SNTG1: variants seen among roughly 807,000 people sequenced by gnomAD.
SNTG1 encodes the protein gamma-1-syntrophin.
SNTG1 carries 39 observed loss-of-function variants against 74.7 expected under a neutral mutation model. That is an observed-to-expected ratio of 0.52 (90% CI 0.40 to 0.68). SNTG1 has a LOEUF of 0.68. Among genes scored for constraint, SNTG1 ranks in the 30% least tolerant of loss-of-function variants. The pLI, the probability that SNTG1 is intolerant of heterozygous loss-of-function variation, is 0.00. For missense variants in SNTG1, 685 were observed against 609.5 expected, an observed-to-expected ratio of 1.12 and a Z score of -1.30; for synonymous variants, 254 against 217.1, an observed-to-expected ratio of 1.17 and a Z score of -1.49.
At chr8:50,654,305 C>CT (rs2095167301) in intron 13 of SNTG1, among the ~76,000 whole-genome samples, 1 of 151,952 alleles carries the variant, frequency 6.6e-6, no homozygotes, top group Non-Finnish European at 1.5e-5. Context: ...CATTCTAGAC[C>CT]TTTTTTACTG....
intron 2 of SNTG1, among the ~76,000 whole-genome samples, chr8:50,333,508 GT>G (rs1269450029): frequency 6.6e-6 from 1 of 152,098 alleles, no homozygotes; most frequent in African/African-American, 2.4e-5. Context: ...TTCTCCTAGT[GT>G]TTCAAAGCTA....
intron 18 of SNTG1, among the ~76,000 whole-genome samples, chr8:50,772,766 G>A (rs1047301172): frequency 2.6e-5 from 4 of 152,064 alleles, no homozygotes; most frequent in East Asian, 3.9e-4. Flanking sequence ...GGTCATGGGG[G>A]TAGATTCCCC....
At chr8:50,698,242 A>G (rs1324623692) in intron 15 of SNTG1, among the ~76,000 whole-genome samples, 1 of 152,194 alleles carries the variant, frequency 6.6e-6, no homozygotes, top group East Asian at 1.9e-4. Context: ...GCATATAAGC[A>G]TAAGGGTGTG....
chr8:50,695,999 G>T (rs1204162572), intron 15 of SNTG1, among the ~76,000 whole-genome samples: 1 of 151,972 alleles, frequency 6.6e-6, no homozygotes, highest in Non-Finnish European at 1.5e-5. Flanking sequence ...GGAATTGCTA[G>T]ATTGAATAGT....
intron 15 of SNTG1, among the ~76,000 whole-genome samples, chr8:50,683,259 T>C (rs959952764): frequency 2.6e-5 from 4 of 152,178 alleles, no homozygotes; most frequent in Non-Finnish European, 4.4e-5. Context: ...AGAACTTTGC[T>C]TGAAAATATT....
At chr8:50,264,599 A>AG (rs1249813781) in intron 2 of SNTG1, among the ~76,000 whole-genome samples, 2 of 151,478 alleles carry the variant, frequency 1.3e-5, no homozygotes, top group Non-Finnish European at 2.9e-5. Flanking sequence ...GAAAGAAACC[A>AG]GAAAAATGAA....
At chr8:50,101,708 C>T (rs1168927474) in intron 1 of SNTG1, among the ~76,000 whole-genome samples, 1 of 151,830 alleles carries the variant, frequency 6.6e-6, no homozygotes, top group African/African-American at 2.4e-5. Flanking sequence ...TCCCTCCCCC[C>T]TCCTCCCACC....
intron 13 of SNTG1, among the ~76,000 whole-genome samples, chr8:50,655,362 G>T (rs539379116): frequency 3.3e-5 from 5 of 152,026 alleles, no homozygotes; most frequent in African/African-American, 9.6e-5. Flanking sequence ...ACTATACCTG[G>T]CCATATAAGC....
At chr8:50,604,319 G>C (rs915293624) in intron 13 of SNTG1, among the ~76,000 whole-genome samples, 12 of 152,058 alleles carry the variant, frequency 7.9e-5, no homozygotes, top group African/African-American at 2.9e-4. Context: ...AGGGGGCTGA[G>C]GTGGGAGGAT....
At chr8:49,988,049 G>T (rs78171300) in intron 1 of SNTG1, among the ~76,000 whole-genome samples, 7,574 of 152,162 alleles carry the variant, frequency 0.05, 627 homozygotes, top group African/African-American at 0.17. Flanking sequence ...ATAACCCAGG[G>T]TGACTGTACA....
intron 2 of SNTG1, among the ~76,000 whole-genome samples, chr8:50,344,793 C>A (rs879895891): frequency 1.3e-5 from 2 of 152,184 alleles, no homozygotes; most frequent in Non-Finnish European, 2.9e-5. Context: ...AATTGCATTT[C>A]ACCAAAATTC....
In SNTG1 at chr8:50,313,015, C is replaced by G. The variant is rs926729683; in HGVS notation, c.-27-81197C>G. On this transcript the variant is annotated intron_variant, in intron 2 of 18. Transcript: ENST00000642720. Reference sequence around the variant, plus strand: ...CAATCTACAGATTCAATACAATCCCCATCAAAATTCCATGGTAATCTTTCA... The same window carrying G: ...CAATCTACAGATTCAATACAATCCCGATCAAAATTCCATGGTAATCTTTCA... Among the ~76,000 whole-genome samples the G allele has an allele frequency of 3.3e-5, 5 of 149,484 alleles. 1 individual carries two copies. Among genetic ancestry groups the G allele is most frequent in the African/African-American group, 1.2e-4 (5 of 40,006 alleles).
At chr8:50,234,545 T>C (rs2085794494) in intron 2 of SNTG1, among the ~76,000 whole-genome samples, 1 of 152,040 alleles carries the variant, frequency 6.6e-6, no homozygotes, top group African/African-American at 2.4e-5. Context: ...TTTTCTGCAA[T>C]GATATTTTAC....
At chr8:50,485,058 T>C (rs986061678) in intron 8 of SNTG1, among the ~76,000 whole-genome samples, 6 of 152,172 alleles carry the variant, frequency 3.9e-5, no homozygotes, top group Non-Finnish European at 8.8e-5. Context: ...GAATTAAGTA[T>C]TTTGGGGCCT....
chr8:50,474,627 T>A (rs1453114360), intron 8 of SNTG1, among the ~76,000 whole-genome samples: 3 of 152,160 alleles, frequency 2.0e-5, no homozygotes, highest in African/African-American at 7.2e-5. Context: ...ACACTGTTGG[T>A]GGGACTGTAA....
At chr8:50,200,574 C>G (rs2083946923) in intron 2 of SNTG1, among the ~76,000 whole-genome samples, 1 of 152,100 alleles carries the variant, frequency 6.6e-6, no homozygotes, top group South Asian at 2.1e-4. Context: ...CAGGCGCTTA[C>G]TGAACAAAAT....
At chr8:50,221,516 C>T (rs1340360634) in intron 2 of SNTG1, among the ~76,000 whole-genome samples, 2 of 87,176 alleles carry the variant, frequency 2.3e-5, no homozygotes, top group African/African-American at 4.2e-5. Flanking sequence ...CACACATACA[C>T]ACACACACAC....
chr8:50,590,633 T>C (rs1307671431), intron 12 of SNTG1, among the ~76,000 whole-genome samples: 1 of 151,624 alleles, frequency 6.6e-6, no homozygotes, highest in African/African-American at 2.4e-5. Flanking sequence ...TTTCTCTGAG[T>C]TAAAAAAATT....
At chr8:50,556,835 C>T (rs2094458273) in intron 12 of SNTG1, among the ~76,000 whole-genome samples, 1 of 152,146 alleles carries the variant, frequency 6.6e-6, no homozygotes. Flanking sequence ...ACTTCTCTTA[C>T]AAGACTTCAG....
Sources: allele counts gnomAD v4.1 joint callset (sites outside exome capture counted in the v4.1 genomes callset), GRCh38; gene constraint gnomAD v4.1.1; transcripts MANE v1.5; gene names NCBI Gene and HGNC (gene_info 2026-07-23, HGNC 2026-07-21).